The following DOCK1 variants were observed in gnomAD, a reference collection of about 807,000 sequenced individuals.
The protein encoded by DOCK1 is dedicator of cytokinesis protein 1.
In DOCK1, 138 loss-of-function variants were observed where a neutral mutation model predicts 262.7. That is an observed-to-expected ratio of 0.53 (90% CI 0.46 to 0.61). DOCK1 has a LOEUF of 0.61. Among genes scored for constraint, DOCK1 ranks in the 20% least tolerant of loss-of-function variants. The pLI, the probability that DOCK1 is intolerant of heterozygous loss-of-function variation, is 0.00. For synonymous variants in DOCK1, 866 were observed against 867.4 expected (o/e 1.00, Z 0.03); for missense variants, 1,908 against 2,370.7 (o/e 0.80, Z 4.05).
intron 27 of DOCK1, among the ~76,000 whole-genome samples, chr10:127,244,284 C>T (rs1284723405): frequency 6.6e-6 from 1 of 152,030 alleles, no homozygotes; most frequent in East Asian, 1.9e-4. Flanking sequence ...ATCTTGCAAC[C>T]CTACAAAATA....
intron 27 of DOCK1, among the ~76,000 whole-genome samples, chr10:127,196,530 G>A (rs1011307697): frequency 2.0e-5 from 3 of 147,504 alleles, no homozygotes; most frequent in Non-Finnish European, 4.5e-5. Flanking sequence ...AGAGGCGAGG[G>A]CGCCCCAAGC....
chr10:127,421,810 C>A (rs528363344), intron 46 of DOCK1, among the ~76,000 whole-genome samples: 1 of 152,278 alleles, frequency 6.6e-6, no homozygotes, highest in South Asian at 2.1e-4. Context: ...AACTTCATTC[C>A]TTTTTAAGGC....
At chr10:126,931,486 C>A (rs944898605) in intron 1 of DOCK1, among the ~76,000 whole-genome samples, 1 of 151,872 alleles carries the variant, frequency 6.6e-6, no homozygotes, top group Non-Finnish European at 1.5e-5. Flanking sequence ...GGAGCCCGAG[C>A]TGAGCTGAGC....
At chr10:127,001,301 A>C (rs1277593091) in intron 10 of DOCK1, 1 of 152,164 alleles carries the variant, frequency 6.6e-6, no homozygotes, top group East Asian at 1.9e-4. Flanking sequence ...CTGCCTTTTA[A>C]ATAAACATTA....
At position 127,037,675 on chromosome 10, in the gene DOCK1, A is replaced by C. The variant is rs113116802; in HGVS notation, c.1913-44A>C. ...TGCATGATTAACAGAGACAGAACAGAGTTTCTTGCTTGTGAAGATCTGATT... is the reference window on the plus strand; with the variant it reads ...TGCATGATTAACAGAGACAGAACAGCGTTTCTTGCTTGTGAAGATCTGATT... On this transcript the variant is annotated intron_variant, in intron 18 of 51. Transcript: ENST00000623213. 1.2e-3 allele frequency: 1,869 copies of C among 1,499,070 alleles called. 17 individuals are homozygous for C. The African/African-American group carries it at 0.024, about 19-fold the overall frequency. The allele number at this position is 1,499,070 out of a possible 1,614,324, so 92.9% of individuals were successfully genotyped here. A position where few individuals can be genotyped will look rare whatever the true frequency, so the allele number is the denominator to read the frequency against.
At chr10:127,017,800 A>G (rs910684462) in intron 12 of DOCK1, among the ~76,000 whole-genome samples, 2 of 126,572 alleles carry the variant, frequency 1.6e-5, no homozygotes, top group Non-Finnish European at 1.7e-5. Context: ...ATGGGGGGAA[A>G]AGATGCCGTC....
chr10:127,201,826 A>G (rs2057474603), intron 27 of DOCK1, among the ~76,000 whole-genome samples: 1 of 152,124 alleles, frequency 6.6e-6, no homozygotes, highest in African/African-American at 2.4e-5. Flanking sequence ...TTATTTGGTC[A>G]GTCTTGGGTG....
intron 1 of DOCK1, among the ~76,000 whole-genome samples, chr10:126,947,519 GTGGTTGGTAGTATTACTGTTGGTGGTGA>G (rs2035579183): frequency 6.9e-6 from 1 of 143,936 alleles, no homozygotes; most frequent in African/African-American, 2.6e-5. Flanking sequence ...GGTGGTGGTG[GTGGTTGGTAGTATTACTGTTGGTGGTGA>G]TGGTGGTGGT....
At chr10:127,369,093 G>T (rs1482989264) in intron 33 of DOCK1, among the ~76,000 whole-genome samples, 6 of 152,268 alleles carry the variant, frequency 3.9e-5, no homozygotes, top group Non-Finnish European at 7.4e-5. Context: ...GTGTTGCCGA[G>T]CTCCTGTTTG....
chr10:127,393,122 C>T (rs1027249216), intron 38 of DOCK1, among the ~76,000 whole-genome samples: 2 of 152,168 alleles, frequency 1.3e-5, no homozygotes, highest in Admixed American at 1.3e-4. Context: ...GGAGTGTTTA[C>T]AAGAATTTCC....
intron 27 of DOCK1, chr10:127,135,633 T>A (rs1440498990): frequency 6.5e-6 from 1 of 152,674 alleles, no homozygotes; most frequent in East Asian, 1.9e-4. Context: ...AACTATGAAA[T>A]GATTTTGACA....
rs1167019928 is a variant in DOCK1 at position 126,939,954 on chromosome 10, A to G, written c.47-30748A>G. On this transcript the variant is annotated intron_variant, in intron 1 of 51. Transcript: ENST00000623213. ...CCTTGTTGCCTGAATAGGAGCCTCC[A>G]TGAGCTGGTGGCTGCATTTAGCCCT... Among the ~76,000 whole-genome samples, 7 of 152,178 alleles carry G rather than the reference A, an allele frequency of 4.6e-5. No individual in the cohort carries two copies. In the East Asian group the frequency reaches 1.2e-3, roughly 25 times the overall value.
intron 30 of DOCK1, among the ~76,000 whole-genome samples, chr10:127,339,405 T>C (rs1298975011): frequency 6.6e-6 from 1 of 152,050 alleles, no homozygotes; most frequent in Non-Finnish European, 1.5e-5. Flanking sequence ...TCTCAGCCCA[T>C]CTTACTGTGG....
chr10:127,323,000 C>T (rs918920452), intron 29 of DOCK1, among the ~76,000 whole-genome samples: 1 of 152,156 alleles, frequency 6.6e-6, no homozygotes, highest in African/African-American at 2.4e-5. Flanking sequence ...TAGAGGATAG[C>T]GTGTGCTTCC....
intron 1 of DOCK1, among the ~76,000 whole-genome samples, chr10:126,936,990 C>T (rs1251426039): frequency 9.9e-5 from 15 of 152,218 alleles, no homozygotes; most frequent in East Asian, 3.9e-4. Context: ...ATTCTAGGAA[C>T]GAATCTAGGA....
chr10:127,318,141 A>T (rs983089155), intron 29 of DOCK1, among the ~76,000 whole-genome samples: 1 of 152,186 alleles, frequency 6.6e-6, no homozygotes, highest in Admixed American at 6.5e-5. Flanking sequence ...AAAATGATAC[A>T]TATACTTCTG....
intron 50 of DOCK1, among the ~76,000 whole-genome samples, 157 bp from the exon 51 acceptor site, chr10:127,447,237 C>T (rs566892548): frequency 6.6e-6 from 1 of 152,316 alleles, no homozygotes; most frequent in East Asian, 1.9e-4. Context: ...GTGTTCGCTC[C>T]CTCCCTGCCC....
At chr10:127,386,004 T>C (rs150135551) in intron 38 of DOCK1, among the ~76,000 whole-genome samples, 27 of 152,316 alleles carry the variant, frequency 1.8e-4, no homozygotes, top group African/African-American at 6.3e-4. Flanking sequence ...GTTAGGACTT[T>C]AAATATTTCT....
At position 127,127,664 on chromosome 10, in the gene DOCK1, C is replaced by T; in HGVS notation, c.2752-5C>T. 1.9e-6 allele frequency: 3 copies of T among 1,609,996 alleles called. No homozygotes were observed. The highest frequency in any genetic ancestry group is 2.5e-6 in the Non-Finnish European group (3 of 1,177,020). On this transcript the variant is annotated splice_region_variant and splice_polypyrimidine_tract_variant and intron_variant, in intron 26 of 51. Coordinates refer to ENST00000623213, the MANE Select transcript of DOCK1 (RefSeq NM_001290223.2). The stretch of plus-strand genomic sequence containing the variant: ...GTTGGTGTTCATTGGTGTGTCCTTC[C>T]CCAGGGGCCAACCCAGAGGCACGTC...
Sources: allele counts gnomAD v4.1 joint callset (sites outside exome capture counted in the v4.1 genomes callset), GRCh38; gene constraint gnomAD v4.1.1; transcripts MANE v1.5; gene names NCBI Gene and HGNC (gene_info 2026-07-23, HGNC 2026-07-21).